Variants in CSMD3 observed in about 807,000 individuals in gnomAD.
CSMD3 encodes the protein CUB and sushi domain-containing protein 3.
In CSMD3, 177 loss-of-function variants were observed where a neutral mutation model predicts 435.2. The ratio of observed to expected loss-of-function variants is 0.41; its 90% confidence interval spans 0.36 to 0.46. CSMD3 has a LOEUF of 0.46. CSMD3 is among the 20% of genes least tolerant of loss of function. The pLI is 0.34. For synonymous variants in CSMD3, 1,656 were observed against 1,520.5 expected (o/e 1.09, Z -2.07); for missense variants, 4,265 against 4,504.6 (o/e 0.95, Z 1.52).
chr8:112,504,078 G>A, intron 29 of CSMD3, 101 bp from the exon 30 acceptor site: 2 of 692,532 alleles, frequency 2.9e-6, no homozygotes, highest in Non-Finnish European at 4.7e-6. Flanking sequence ...TTAATTCAGT[G>A]CTTAAAAATA....
chr8:112,628,640 T>C (rs938340642), intron 22 of CSMD3, among the ~76,000 whole-genome samples: 3 of 152,204 alleles, frequency 2.0e-5, no homozygotes, highest in African/African-American at 7.2e-5. Flanking sequence ...GTCGATATTA[T>C]ATATTCATTT....
chr8:112,610,069 A>T (rs1385825171), intron 22 of CSMD3, among the ~76,000 whole-genome samples: 2 of 152,112 alleles, frequency 1.3e-5, no homozygotes, highest in African/African-American at 4.8e-5. Flanking sequence ...CAGCTGTAAG[A>T]TGAATAATTT....
rs556462570 is a variant in CSMD3, at chr8:112,616,406, G to A, written c.3715+20411C>T. Among the ~76,000 whole-genome samples the A allele has an allele frequency of 1.7e-4, 26 of 151,988 alleles. No homozygotes were observed. The South Asian group carries it at 4.6e-3, about 27-fold the overall frequency. ...GAAAGTTACATATATTGTGATCTTC[G>A]AACTGCACAGCACTCCTACCATGTG... On this transcript the variant is annotated intron_variant, in intron 22 of 70. Coordinates refer to ENST00000297405, the MANE Select transcript of CSMD3 (RefSeq NM_198123.2).
intron 12 of CSMD3, among the ~76,000 whole-genome samples, chr8:112,800,514 CATG>C (rs2078936172): frequency 6.6e-6 from 1 of 151,918 alleles, no homozygotes; most frequent in African/African-American, 2.4e-5. Context: ...GAGGCAAGGT[CATG>C]ATATTTTAGA....
Position 112,319,911 on chromosome 8 carries a change from T to TTCA in CSMD3, c.7233_7235dup (p.Asp2411dup), listed in dbSNP as rs768211948. On this transcript the variant is annotated inframe_insertion, in exon 46 of 71. Transcript: ENST00000297405. ...ATTTAACAGCTTTACCTATTTCAAA[T>TTCA]TCATCATCTTCCGTCAAAATTTCAG... 2 of 1,610,084 alleles carry TTCA rather than the reference T, an allele frequency of 1.2e-6. No homozygotes were observed. The highest frequency in any genetic ancestry group is 1.7e-6 in the Non-Finnish European group (2 of 1,176,702).
At chr8:112,582,358 C>T (rs948768381) in intron 23 of CSMD3, among the ~76,000 whole-genome samples, 1 of 151,852 alleles carries the variant, frequency 6.6e-6, no homozygotes, top group Admixed American at 6.6e-5. Context: ...GCCCATTTAA[C>T]CTCTTTTCCT....
intron 5 of CSMD3, among the ~76,000 whole-genome samples, chr8:113,035,556 A>G (rs1263438200): frequency 6.6e-6 from 1 of 152,038 alleles, no homozygotes; most frequent in Non-Finnish European, 1.5e-5. Flanking sequence ...AATATTTAAT[A>G]TCTTTATTGC....
intron 10 of CSMD3, among the ~76,000 whole-genome samples, chr8:112,892,931 G>A (rs1269610665): frequency 2.0e-5 from 3 of 151,362 alleles, no homozygotes; most frequent in Admixed American, 6.6e-5. Flanking sequence ...AATCGTAACT[G>A]GCAAAGAGCA....
intron 11 of CSMD3, among the ~76,000 whole-genome samples, chr8:112,857,094 G>A (rs2080683123): frequency 6.6e-6 from 1 of 151,774 alleles, no homozygotes; most frequent in African/African-American, 2.4e-5. Context: ...ACTGTGGTGT[G>A]TGTGTGTGTG....
intron 5 of CSMD3, among the ~76,000 whole-genome samples, chr8:113,052,382 G>A (rs750230249): frequency 4.1e-4 from 62 of 152,172 alleles, no homozygotes; most frequent in Non-Finnish European, 7.4e-4. Context: ...GTATCTGTAA[G>A]TAAAGGATAC....
At chr8:113,361,170 G>T (rs1417811299) in intron 1 of CSMD3, among the ~76,000 whole-genome samples, 1 of 152,018 alleles carries the variant, frequency 6.6e-6, no homozygotes, top group Admixed American at 6.6e-5. Context: ...TTTCTGATTT[G>T]ATTCCCCTCC....
At chr8:112,920,603 T>C (rs950056958) in intron 10 of CSMD3, among the ~76,000 whole-genome samples, 1 of 151,868 alleles carries the variant, frequency 6.6e-6, no homozygotes, top group African/African-American at 2.4e-5. Flanking sequence ...CTAATGATAT[T>C]GGCATATCTG....
At chr8:112,904,875 C>T (rs746333037) in intron 10 of CSMD3, among the ~76,000 whole-genome samples, 2 of 151,386 alleles carry the variant, frequency 1.3e-5, no homozygotes, top group African/African-American at 2.4e-5. Flanking sequence ...AAGCCACCTG[C>T]CTCTCTAAAG....
intron 16 of CSMD3, among the ~76,000 whole-genome samples, chr8:112,680,007 A>G (rs370960277): frequency 1.8e-4 from 28 of 152,148 alleles, no homozygotes; most frequent in African/African-American, 6.5e-4. Flanking sequence ...AACTGGCTCT[A>G]TTCCTTTTGC....
chr8:112,551,728 A>G (rs1224233298), intron 26 of CSMD3, among the ~76,000 whole-genome samples: 1 of 152,134 alleles, frequency 6.6e-6, no homozygotes, highest in African/African-American at 2.4e-5. Flanking sequence ...TGCAAAAGTA[A>G]TGTACCAACT....
At chr8:113,353,446 G>A (rs549806802) in intron 1 of CSMD3, among the ~76,000 whole-genome samples, 1 of 152,220 alleles carries the variant, frequency 6.6e-6, no homozygotes, top group East Asian at 1.9e-4. Flanking sequence ...ACTATAAAGA[G>A]CAGTAATTAT....
At chr8:112,310,885 C>G in intron 50 of CSMD3, 93 bp downstream of exon 50, 1 of 1,024,878 alleles carries the variant, frequency 9.8e-7, no homozygotes, top group Non-Finnish European at 1.5e-6. Flanking sequence ...CGAATATTTC[C>G]ATTCTCAGAA....
chr8:112,692,933 CTAT>C, intron 13 of CSMD3, among the ~76,000 whole-genome samples: 1 of 146,926 alleles, frequency 6.8e-6, no homozygotes, highest in South Asian at 2.1e-4. Context: ...ATCTATCTAT[CTAT>C]CTATCTATCT....
intron 32 of CSMD3, among the ~76,000 whole-genome samples, chr8:112,461,162 A>C (rs2130678151): frequency 6.6e-6 from 1 of 152,298 alleles, no homozygotes; most frequent in East Asian, 1.9e-4. Context: ...TTAAACAATT[A>C]GAGATCGTTA....
Sources: allele counts gnomAD v4.1 joint callset (sites outside exome capture counted in the v4.1 genomes callset), GRCh38; gene constraint gnomAD v4.1.1; transcripts MANE v1.5; gene names NCBI Gene and HGNC (gene_info 2026-07-23, HGNC 2026-07-21).